Variants in SPON1 observed in about 807,000 individuals in gnomAD.
The protein encoded by SPON1 is spondin-1.
SPON1 carries 52 observed loss-of-function variants against 111.7 expected under a neutral mutation model. The ratio of observed to expected loss-of-function variants is 0.47; its 90% CI spans 0.37 to 0.59. The LOEUF (loss-of-function observed/expected upper bound fraction) is 0.59, where lower values mean the gene tolerates loss of function less well. Ranked by LOEUF, SPON1 falls within the 20% of genes least tolerant of loss-of-function variation. The pLI, the probability that SPON1 is intolerant of heterozygous loss-of-function variation, is 0.00. For synonymous variants in SPON1, 410 were observed against 395.8 expected (o/e 1.04, Z -0.43); for missense variants, 957 against 1,068.5 (o/e 0.90, Z 1.46).
chr11:14,095,517 C>T (rs1849093733), intron 5 of SPON1, among the ~76,000 whole-genome samples: 1 of 152,076 alleles, frequency 6.6e-6, no homozygotes, highest in African/African-American at 2.4e-5. Context: ...AATCTGCCAT[C>T]TGCAAACCGG....
At chr11:14,153,267 C>T (rs1554930071) in intron 6 of SPON1, among the ~76,000 whole-genome samples, 1 of 152,162 alleles carries the variant, frequency 6.6e-6, no homozygotes, top group African/African-American at 2.4e-5. Context: ...AGTCTGCTCT[C>T]ACATTGCTAT....
chr11:14,061,164 A>C (rs782287030), intron 3 of SPON1, among the ~76,000 whole-genome samples: 1 of 152,208 alleles, frequency 6.6e-6, no homozygotes, highest in African/African-American at 2.4e-5. Flanking sequence ...ATTCACCTAC[A>C]CACAAAACAG....
chr11:14,014,376 T>C (rs1848428851), intron 2 of SPON1, among the ~76,000 whole-genome samples: 1 of 152,238 alleles, frequency 6.6e-6, no homozygotes, highest in Admixed American at 6.5e-5. Flanking sequence ...TCAGAATGCA[T>C]CTTACAATTG....
In SPON1 at chr11:14,234,889, G is replaced by C. The variant is rs138117181; in HGVS notation, c.826-8443G>C. Among the ~76,000 whole-genome samples the C allele has an allele frequency of 9.2e-5, 14 of 152,370 alleles. No homozygotes were observed. The East Asian group carries it at 2.5e-3, about 27-fold the overall frequency. The stretch of plus-strand genomic sequence containing the variant: ...CTAGTGGATCTGCTAATGGGCTTCA[G>C]ATACTTTCTCTTGCTCTAAAATAGT... On this transcript the variant is annotated intron_variant, in intron 6 of 15. Transcript: ENST00000576479.
intron 5 of SPON1, among the ~76,000 whole-genome samples, chr11:14,129,174 G>A (rs1209055578): frequency 6.7e-6 from 1 of 149,706 alleles, no homozygotes; most frequent in African/African-American, 2.5e-5. Context: ...CCCAGAAAAT[G>A]TTTTTTTTTT....
intron 3 of SPON1, among the ~76,000 whole-genome samples, chr11:14,055,413 T>C (rs919851525): frequency 2.0e-5 from 3 of 152,204 alleles, no homozygotes; most frequent in African/African-American, 7.2e-5. Context: ...ACTAAAGATG[T>C]AGACCCTGAG....
At chr11:14,189,248 A>G (rs1848317877) in intron 6 of SPON1, among the ~76,000 whole-genome samples, 1 of 152,234 alleles carries the variant, frequency 6.6e-6, no homozygotes, top group South Asian at 2.1e-4. Flanking sequence ...TTAAATCAGT[A>G]TAAAATACAC....
At chr11:14,081,700 A>T (rs1341363244) in intron 5 of SPON1, among the ~76,000 whole-genome samples, 1 of 152,088 alleles carries the variant, frequency 6.6e-6, no homozygotes, top group Non-Finnish European at 1.5e-5. Context: ...AACAGTAGGA[A>T]TGGGAGAGAG....
intron 5 of SPON1, among the ~76,000 whole-genome samples, chr11:14,113,484 C>T (rs1022709307): frequency 8.0e-5 from 12 of 150,670 alleles, no homozygotes; most frequent in Middle Eastern, 3.2e-3. Flanking sequence ...TAGCCCTAGA[C>T]ACTCATCAAT....
intron 6 of SPON1, among the ~76,000 whole-genome samples, chr11:14,150,843 G>T (rs1270188381): frequency 1.3e-5 from 2 of 152,184 alleles, no homozygotes; most frequent in African/African-American, 4.8e-5. Context: ...TTGGGAAATT[G>T]CAGGTATCAG....
At chr11:14,196,287 T>A (rs150510058) in intron 6 of SPON1, among the ~76,000 whole-genome samples, 1 of 151,846 alleles carries the variant, frequency 6.6e-6, no homozygotes, top group East Asian at 1.9e-4. Flanking sequence ...AAACAGAAAG[T>A]AGATTAGTGG....
chr11:14,234,263 C>A (rs554052692), intron 6 of SPON1, among the ~76,000 whole-genome samples: 6 of 152,192 alleles, frequency 3.9e-5, no homozygotes, highest in Non-Finnish European at 8.8e-5. Context: ...GCATCACCTA[C>A]GTGATGTTCG....
At chr11:14,041,161 A>G (rs1848628240) in intron 2 of SPON1, among the ~76,000 whole-genome samples, 2 of 152,206 alleles carry the variant, frequency 1.3e-5, no homozygotes, top group African/African-American at 4.8e-5. Context: ...AAGTTTTGCT[A>G]TGCAGTGTTT....
intron 6 of SPON1, among the ~76,000 whole-genome samples, chr11:14,200,255 C>G (rs1324657977): frequency 6.6e-6 from 1 of 152,108 alleles, no homozygotes; most frequent in African/African-American, 2.4e-5. Context: ...TCCTTGAGAC[C>G]AAGAACTTTG....
chr11:14,158,325 C>T (rs1336474296), intron 6 of SPON1, among the ~76,000 whole-genome samples: 3 of 152,072 alleles, frequency 2.0e-5, no homozygotes, highest in Non-Finnish European at 4.4e-5. Flanking sequence ...TTTAATCTTC[C>T]CCAAATCTGA....
intron 6 of SPON1, among the ~76,000 whole-genome samples, chr11:14,157,396 C>T (rs1393762319): frequency 6.6e-6 from 1 of 152,154 alleles, no homozygotes; most frequent in Non-Finnish European, 1.5e-5. Context: ...GTTGAGAAGT[C>T]ATCTGTCAGT....
chr11:14,104,319 T>C (rs903866559), intron 5 of SPON1, among the ~76,000 whole-genome samples: 2 of 152,080 alleles, frequency 1.3e-5, no homozygotes, highest in Non-Finnish European at 2.9e-5. Context: ...TATCTCTCAA[T>C]TTTTATAGTT....
Position 14,163,216 on chromosome 11 carries a change from A to C in SPON1, c.825+27648A>C, listed in dbSNP as rs899667188. On this transcript the variant is annotated intron_variant, in intron 6 of 15. Transcript: ENST00000576479. ...ATGTCATTGAATCTTTAGAACCCTA[A>C]GAAGTAGGGCTATTATTATCCACAT... Among the ~76,000 whole-genome samples the C allele has an allele frequency of 3.3e-5, 5 of 152,326 alleles. No individual in the cohort carries two copies. The East Asian group carries it at 9.6e-4, about 29-fold the overall frequency.
intron 6 of SPON1, among the ~76,000 whole-genome samples, chr11:14,188,034 G>C (rs1335525048): frequency 1.3e-5 from 2 of 152,160 alleles, no homozygotes; most frequent in Non-Finnish European, 2.9e-5. Flanking sequence ...GCCTGCCTCA[G>C]CCTCCCAAAG....
Sources: gnomAD v4.1 joint callset for allele counts (sites outside exome capture counted in the v4.1 genomes callset) on GRCh38, gnomAD v4.1.1 for gene constraint, MANE v1.5 for transcripts, NCBI Gene and HGNC (gene_info 2026-07-23, HGNC 2026-07-21) for gene names.